The following HIP1 variants were observed in gnomAD, a reference collection of about 807,000 sequenced individuals.
HIP1 encodes huntingtin-interacting protein 1.
Under a neutral mutation model 147.6 loss-of-function variants are expected in HIP1, and 65 were observed. The ratio of observed to expected loss-of-function variants is 0.44; its 90% confidence interval spans 0.36 to 0.54. The LOEUF (loss-of-function observed/expected upper bound fraction) is 0.54, where lower values mean the gene tolerates loss of function less well. Among genes scored for constraint, HIP1 ranks in the 20% least tolerant of loss-of-function variants. The pLI is 0.00. For synonymous variants in HIP1, 479 were observed against 504.0 expected (o/e 0.95, Z 0.67); for missense variants, 1,061 against 1,299.6 (o/e 0.82, Z 2.82).
intron 12 of HIP1, 56 bp downstream of exon 12, chr7:75,562,017 A>T (rs1554494652): frequency 5.7e-5 from 56 of 989,468 alleles, no homozygotes; most frequent in Non-Finnish European, 7.6e-5. Context: ...GTTTTGAGGC[A>T]GACCATGGCT....
chr7:75,703,612 A>G (rs1285800417), intron 1 of HIP1, among the ~76,000 whole-genome samples: 3 of 152,040 alleles, frequency 2.0e-5, no homozygotes, highest in Non-Finnish European at 4.4e-5. Context: ...CAAAAAAAAA[A>G]ACAAAACAAA....
At chr7:75,675,219 G>A (rs1799854369) in intron 1 of HIP1, among the ~76,000 whole-genome samples, 2 of 150,588 alleles carry the variant, frequency 1.3e-5, no homozygotes, top group Admixed American at 1.3e-4. Flanking sequence ...TTTTCTTTTT[G>A]AGATGAAGTC....
At chr7:75,562,234 G>C (rs781896600) in intron 11 of HIP1, 64 bp from the exon 12 acceptor site, 7 of 1,056,080 alleles carry the variant, frequency 6.6e-6, no homozygotes, top group Non-Finnish European at 8.9e-6. Context: ...GTGTGGGTCA[G>C]TTGAGTGATA....
chr7:75,678,530 G>C (rs1232494609), intron 1 of HIP1, among the ~76,000 whole-genome samples: 2 of 152,062 alleles, frequency 1.3e-5, no homozygotes, highest in Non-Finnish European at 2.9e-5. Flanking sequence ...TTTTAGTAGA[G>C]ATGGGATTTT....
intron 7 of HIP1, 141 bp downstream of exon 7, chr7:75,581,096 C>T (rs1300731374): frequency 2.5e-5 from 16 of 645,596 alleles, no homozygotes; most frequent in South Asian, 7.5e-5. Flanking sequence ...CCTCCCTGCA[C>T]GAGGGTTGGA....
intron 1 of HIP1, among the ~76,000 whole-genome samples, chr7:75,705,879 AT>A (rs1224974705): frequency 6.6e-6 from 1 of 151,880 alleles, no homozygotes; most frequent in East Asian, 1.9e-4. Context: ...TGGTAATTCT[AT>A]TTTTATTTTA....
rs150768301 is a variant in HIP1 at position 75,665,823 on chromosome 7, G to A, written c.121-66576C>T. 6.3e-3 allele frequency among the ~76,000 whole-genome samples: 958 copies of A among 152,250 alleles called. 10 individuals carry two copies. The highest frequency in any genetic ancestry group is 0.021 in the African/African-American group (874 of 41,552). On this transcript the variant is annotated intron_variant, in intron 1 of 30. Transcript: ENST00000336926. ...CCCAAAGTGCTGGGATTACAGGCATGAGCCACTGCTCCTGGCCTTTCCATA... is the reference window on the plus strand; with the variant it reads ...CCCAAAGTGCTGGGATTACAGGCATAAGCCACTGCTCCTGGCCTTTCCATA...
At chr7:75,616,792 A>G (rs782150382) in intron 1 of HIP1, among the ~76,000 whole-genome samples, 3 of 152,206 alleles carry the variant, frequency 2.0e-5, no homozygotes, top group African/African-American at 7.2e-5. Flanking sequence ...ACTTTGGGGT[A>G]AGGCATGCTG....
intron 1 of HIP1, among the ~76,000 whole-genome samples, chr7:75,637,994 ACACACACACATACACAC>A (rs1798497613): frequency 7.8e-5 from 1 of 12,838 alleles, no homozygotes; most frequent in African/African-American, 3.1e-4. Context: ...CCCCCCCCCC[ACACACACACATACACAC>A]ACACACACAC....
At chr7:75,672,325 C>CTT (rs34265805) in intron 1 of HIP1, among the ~76,000 whole-genome samples, 144 of 144,810 alleles carry the variant, frequency 9.9e-4, no homozygotes, top group East Asian at 2.4e-3. Flanking sequence ...TTTTTACATT[C>CTT]TTTTTTTTTT....
intron 1 of HIP1, among the ~76,000 whole-genome samples, chr7:75,601,270 G>C (rs1159932586): frequency 6.6e-6 from 1 of 152,064 alleles, no homozygotes; most frequent in African/African-American, 2.4e-5. Flanking sequence ...GCCACAACCA[G>C]ACCAGACTAA....
At chr7:75,564,702 C>A (rs1795344264) in intron 9 of HIP1, among the ~76,000 whole-genome samples, 1 of 152,084 alleles carries the variant, frequency 6.6e-6, no homozygotes, top group Admixed American at 6.6e-5. Flanking sequence ...CCCAAGGGAT[C>A]CTCTCACCTC....
At chr7:75,672,052 A>G (rs1799743800) in intron 1 of HIP1, among the ~76,000 whole-genome samples, 1 of 152,072 alleles carries the variant, frequency 6.6e-6, no homozygotes. Context: ...ATGTTTTTCT[A>G]TAGTAGCCAT....
chr7:75,663,962 A>T (rs138046786), intron 1 of HIP1, among the ~76,000 whole-genome samples: 1 of 29,476 alleles, frequency 3.4e-5, no homozygotes, highest in East Asian at 1.1e-3. Flanking sequence ...ATATATGTGT[A>T]TATATATATA....
chr7:75,738,861 G>A lies in HIP1; in HGVS notation c.60C>T (p.Ser20=). The A allele has an allele frequency of 6.3e-7, 1 of 1,583,080 alleles. No homozygotes were observed. The highest frequency in any genetic ancestry group is 1.2e-5 in the South Asian group (1 of 86,830). Reference sequence around the variant, plus strand: ...CCAGCCCAGCGCCGACCCCGCGCCGGCTCAGCACCTTGGGCAGTGGGTTGG... The same window carrying A: ...CCAGCCCAGCGCCGACCCCGCGCCGACTCAGCACCTTGGGCAGTGGGTTGG... ...QVPNPLPKVL[S]RRGVGAGLEA... The change falls in exon 1 of 31, where the codon AGC becomes AGT. Residue 20 remains serine (S), a synonymous_variant. Transcript: ENST00000336926.
chr7:75,643,169 C>A (rs1584913845), intron 1 of HIP1, among the ~76,000 whole-genome samples: 1 of 152,148 alleles, frequency 6.6e-6, no homozygotes, highest in Non-Finnish European at 1.5e-5. Context: ...CCTTTAGAGG[C>A]ATAGAAGTCC....
chr7:75,624,118 G>A (rs1797948763), intron 1 of HIP1, among the ~76,000 whole-genome samples: 1 of 152,296 alleles, frequency 6.6e-6, no homozygotes, highest in Non-Finnish European at 1.5e-5. Context: ...AGACCTCGCT[G>A]ATCTCAGGTC....
intron 4 of HIP1, among the ~76,000 whole-genome samples, chr7:75,590,874 T>C (rs1584846052): frequency 6.6e-6 from 1 of 152,176 alleles, no homozygotes; most frequent in African/African-American, 2.4e-5. Flanking sequence ...CTGCTTCCCT[T>C]TCTGGGCCTG....
rs587632011 is a variant in HIP1, at chr7:75,635,509, C to T, written c.121-36262G>A. Reference sequence around the variant, plus strand: ...AGGAGAATCGCTTGAACCCAGGAGGCGGAGGCGGTGGTGAGCCGAGATCGT... The same window carrying T: ...AGGAGAATCGCTTGAACCCAGGAGGTGGAGGCGGTGGTGAGCCGAGATCGT... On this transcript the variant is annotated intron_variant, in intron 1 of 30. Coordinates refer to ENST00000336926, the MANE Select transcript of HIP1 (RefSeq NM_005338.7). Among the ~76,000 whole-genome samples the T allele has an allele frequency of 5.0e-5, 7 of 138,792 alleles. No individual in the cohort carries two copies. The East Asian group carries it at 6.7e-4, about 13-fold the overall frequency. 91.1% of individuals were successfully genotyped at this position (138,792 alleles called of 152,430 possible).
Sources: allele counts gnomAD v4.1 joint callset (sites outside exome capture counted in the v4.1 genomes callset), GRCh38; gene constraint gnomAD v4.1.1; transcripts MANE v1.5; gene names NCBI Gene and HGNC (gene_info 2026-07-23, HGNC 2026-07-21).